The following TENM2 variants were observed in gnomAD, a reference collection of about 807,000 sequenced individuals.
The protein encoded by TENM2 is teneurin transmembrane protein 2, also known as teneurin-2.
A neutral mutation model predicts 245.2 loss-of-function variants in TENM2; 52 were observed. That is an observed-to-expected ratio of 0.21 (90% CI 0.17 to 0.27). The LOEUF is 0.27. TENM2 is among the 10% of genes least tolerant of loss of function. TENM2 has a pLI of 1.00. For missense variants in TENM2, 3,046 were observed against 3,666.8 expected (o/e 0.83, Z 4.37); for synonymous variants, 1,363 against 1,438.9 (o/e 0.95, Z 1.19).
At chr5:167,403,213 G>A (rs2127389255) in intron 2 of TENM2, among the ~76,000 whole-genome samples, 1 of 151,878 alleles carries the variant, frequency 6.6e-6, no homozygotes, top group Admixed American at 6.6e-5. Context: ...CTGATATTGA[G>A]AGAATAATAC....
chr5:167,005,215 C>T, the TENM2 span, among the ~76,000 whole-genome samples: 1 of 151,958 alleles, frequency 6.6e-6, no homozygotes, highest in African/African-American at 2.4e-5. Flanking sequence ...TCAGTGTGTA[C>T]GAATTCACAG....
intron 1 of TENM2, among the ~76,000 whole-genome samples, chr5:167,323,481 A>G (rs1378169745): frequency 3.9e-5 from 6 of 152,110 alleles, no homozygotes; most frequent in Admixed American, 3.3e-4. Flanking sequence ...TCCCTAAAAT[A>G]GTGCTGAGAT....
chr5:168,165,648 A>ACCCCCCCCCCCCC lies in TENM2; in HGVS notation c.2569+2895_2569+2907dup, dbSNP rs34203413. Among the ~76,000 whole-genome samples the ACCCCCCCCCCCCC allele has an allele frequency of 7.1e-4, 22 of 30,944 alleles. 3 individuals are homozygous for ACCCCCCCCCCCCC. Among genetic ancestry groups the ACCCCCCCCCCCCC allele is most frequent in the Admixed American group, 1.2e-3 (2 of 1,698 alleles). 20.3% of individuals were successfully genotyped at this position (30,944 alleles called of 152,430 possible). On this transcript the variant is annotated intron_variant, in intron 13 of 28. Coordinates refer to ENST00000518659, the Ensembl canonical transcript of TENM2. ...GGCACAATTCAGGATCCCCCCCCCAACCCCCCCCCCCCCCCCGGCTGGCAG... is the reference window on the plus strand; with the variant it reads ...GGCACAATTCAGGATCCCCCCCCCAACCCCCCCCCCCCCCCCCCCCCCCCCCCCCGGCTGGCAG...
chr5:167,617,319 T>C lies in TENM2; in HGVS notation c.502+241846T>C, dbSNP rs929693273. Among the ~76,000 whole-genome samples, 14 of 152,176 alleles carry C rather than the reference T, an allele frequency of 9.2e-5. No individual in the cohort carries two copies. The East Asian group carries it at 2.7e-3, about 29-fold the overall frequency. ...AAGTCTGTGGTTTAGTTAATAGTGT[T>C]ACACCAGTGACAATGTTCTGGGTTT... On this transcript the variant is annotated intron_variant, in intron 2 of 28. Coordinates refer to ENST00000518659, the Ensembl canonical transcript of TENM2.
chr5:167,070,284 A>ATTTTTTTTTTTTTTTTTTTTTT, the TENM2 span, among the ~76,000 whole-genome samples: 11 of 99,348 alleles, frequency 1.1e-4, no homozygotes, highest in East Asian at 3.2e-4. Flanking sequence ...CGCCCGGCTA[A>ATTTTTTTTTTTTTTTTTTTTTT]TTTTTTTTTT....
intron 6 of TENM2, among the ~76,000 whole-genome samples, chr5:168,055,678 A>AC (rs1425112631): frequency 2.0e-5 from 3 of 151,608 alleles, no homozygotes; most frequent in Admixed American, 6.6e-5. Context: ...TCACAAATTC[A>AC]CCCCCCGCAA....
At chr5:167,481,117 C>T (rs1370909282) in intron 2 of TENM2, among the ~76,000 whole-genome samples, 5 of 152,046 alleles carry the variant, frequency 3.3e-5, no homozygotes, top group Admixed American at 6.6e-5. Flanking sequence ...AAATTAGAGA[C>T]GTCATTTTAT....
In TENM2 at chr5:167,549,469, A is replaced by G. The variant is rs183147164; in HGVS notation, c.502+173996A>G. 3.4e-3 allele frequency among the ~76,000 whole-genome samples: 517 copies of G among 152,356 alleles called. 6 individuals carry two copies. The highest frequency in any genetic ancestry group is 1.5e-3 in the Non-Finnish European group (104 of 68,040). On this transcript the variant is annotated intron_variant, in intron 2 of 28. Transcript: ENST00000518659. ...CTGCTATCCAAGTCAGCTGTTATGC[A>G]GTTATATATAAATCAGATATTTATA...
At chr5:168,088,988 G>A (rs555822893) in intron 7 of TENM2, among the ~76,000 whole-genome samples, 8 of 152,252 alleles carry the variant, frequency 5.3e-5, no homozygotes, top group African/African-American at 1.9e-4. Context: ...CTACAGTGGT[G>A]GTTTTCATCG....
At chr5:167,878,857 C>T (rs1343049011) in intron 3 of TENM2, among the ~76,000 whole-genome samples, 1 of 152,108 alleles carries the variant, frequency 6.6e-6, no homozygotes, top group Non-Finnish European at 1.5e-5. Context: ...GTTAATTACA[C>T]AGAATTTTTT....
intron 9 of TENM2, among the ~76,000 whole-genome samples, chr5:168,107,841 A>G (rs6866450): frequency 0.24 from 36,043 of 152,074 alleles, 4,704 homozygotes; most frequent in African/African-American, 0.32. Context: ...CTCACAGGTC[A>G]CCACCTCCCT....
the TENM2 span, among the ~76,000 whole-genome samples, chr5:167,222,086 A>G: frequency 1.3e-5 from 2 of 152,164 alleles, no homozygotes; most frequent in Non-Finnish European, 2.9e-5. Context: ...GTTTCCTTAG[A>G]AAAAAATTGG....
intron 2 of TENM2, among the ~76,000 whole-genome samples, chr5:167,746,587 G>A (rs1761579605): frequency 6.6e-6 from 1 of 151,672 alleles, no homozygotes; most frequent in Non-Finnish European, 1.5e-5. Context: ...TTAAGAATCT[G>A]TGCCAAGACT....
intron 2 of TENM2, among the ~76,000 whole-genome samples, chr5:167,530,730 C>T (rs1452283850): frequency 6.6e-6 from 1 of 152,194 alleles, no homozygotes; most frequent in Non-Finnish European, 1.5e-5. Flanking sequence ...GACAAATTTA[C>T]AGCCCTGTCG....
chr5:167,897,973 G>A (rs746823573), intron 3 of TENM2, among the ~76,000 whole-genome samples: 10 of 145,496 alleles, frequency 6.9e-5, no homozygotes, highest in Non-Finnish European at 5.9e-5. Flanking sequence ...CAGCCCCTTC[G>A]TGGTGGGCAA....
intron 3 of TENM2, among the ~76,000 whole-genome samples, chr5:167,932,660 C>T (rs552183236): frequency 2.0e-5 from 3 of 152,272 alleles, no homozygotes; most frequent in African/African-American, 7.2e-5. Context: ...AGCCTTCCCT[C>T]ATCCGCTAAG....
Position 167,321,782 on chromosome 5 carries a change from C to CTTTTTTTTTTTTTTTTTTT in TENM2, c.226+36721_226+36722insTTTTTTTTTTTTTTTTTTT, listed in dbSNP as rs1191717159. Among the ~76,000 whole-genome samples, 5 of 59,738 alleles carry CTTTTTTTTTTTTTTTTTTT rather than the reference C, an allele frequency of 8.4e-5. 2 individuals carry two copies. Among genetic ancestry groups the CTTTTTTTTTTTTTTTTTTT allele is most frequent in the African/African-American group, 6.5e-5 (1 of 15,342 alleles). The allele number at this position is 59,738 out of a possible 152,430, so 39.2% of individuals were successfully genotyped here. On this transcript the variant is annotated intron_variant, in intron 1 of 28. Coordinates refer to ENST00000518659, the Ensembl canonical transcript of TENM2. ...TGAATCTGTTGTCTTGCTGCCTTGG[C>CTTTTTTTTTTTTTTTTTTT]TTATTTTTTTTTTTTTTTTGGGGGG...
intron 2 of TENM2, among the ~76,000 whole-genome samples, chr5:167,805,259 G>C (rs552230647): frequency 6.6e-5 from 10 of 152,246 alleles, no homozygotes; most frequent in Admixed American, 3.3e-4. Flanking sequence ...TGTTTTATTA[G>C]CTGTCCCTAT....
chr5:167,009,950 T>A, the TENM2 span, among the ~76,000 whole-genome samples: 1 of 152,246 alleles, frequency 6.6e-6, no homozygotes, highest in Non-Finnish European at 1.5e-5. Flanking sequence ...AAGATATCAC[T>A]GGAATTCATC....
Sources: gnomAD v4.1 joint callset for allele counts (sites outside exome capture counted in the v4.1 genomes callset) on GRCh38, gnomAD v4.1.1 for gene constraint, MANE v1.5 for transcripts, NCBI Gene and HGNC (gene_info 2026-07-23, HGNC 2026-07-21) for gene names.